SH2D4A: variants seen among roughly 807,000 people sequenced by gnomAD.
SH2D4A encodes SH2 domain-containing protein 4A.
Under a neutral mutation model 64.7 loss-of-function variants are expected in SH2D4A, and 70 were observed. That is an observed-to-expected ratio of 1.08 (90% CI 0.89 to 1.32). SH2D4A has a LOEUF of 1.32. Among genes scored for constraint, SH2D4A ranks in the 40% most tolerant of loss-of-function variants. The pLI, the probability that SH2D4A is intolerant of heterozygous loss-of-function variation, is 0.00. For synonymous variants in SH2D4A, 268 were observed against 200.7 expected (o/e 1.34, Z -2.83); for missense variants, 706 against 540.1 (o/e 1.31, Z -3.04).
intron 4 of SH2D4A, among the ~76,000 whole-genome samples, chr8:19,342,985 T>A (rs4360306): frequency 5.3e-5 from 8 of 152,134 alleles, no homozygotes; most frequent in Non-Finnish European, 8.8e-5. Context: ...AGCACGCTGC[T>A]TCCGTCTCTG....
chr8:19,362,745 C>G (rs2052912647), intron 6 of SH2D4A, among the ~76,000 whole-genome samples: 1 of 151,622 alleles, frequency 6.6e-6, no homozygotes. Flanking sequence ...GTCTCAAAAA[C>G]AAAACAAAAC....
At chr8:19,376,961 G>T (rs2053205895) in intron 8 of SH2D4A, among the ~76,000 whole-genome samples, 2 of 151,936 alleles carry the variant, frequency 1.3e-5, no homozygotes, top group Non-Finnish European at 2.9e-5. Flanking sequence ...TTTTCTTATG[G>T]AATATTTTAA....
rs757985774 is a variant in SH2D4A, at chr8:19,389,636, C to T, written c.1049-3682C>T. On this transcript the variant is annotated intron_variant, in intron 8 of 9. Transcript: ENST00000265807. ...GTGGGCTGCCAGAGTTCTGCCAGTCCTGGCCTGGATTCAACTCTAAAATCA... is the reference window on the plus strand; with the variant it reads ...GTGGGCTGCCAGAGTTCTGCCAGTCTTGGCCTGGATTCAACTCTAAAATCA... 6.6e-5 allele frequency among the ~76,000 whole-genome samples: 10 copies of T among 152,208 alleles called. No individual in the cohort carries two copies. In the South Asian group the frequency reaches 1.9e-3, roughly 28 times the overall value.
In SH2D4A at chr8:19,383,489, C is replaced by T. The variant is rs529010250; in HGVS notation, c.1048+9829C>T. Among the ~76,000 whole-genome samples the T allele has an allele frequency of 2.0e-5, 3 of 151,264 alleles. No individual in the cohort carries two copies. The South Asian group carries it at 6.3e-4, about 32-fold the overall frequency. ...TCTGTCATTGGGTCTTTTTCAGTGA[C>T]AGTTTCTGATTTGTTTTCCTTTGAA... On this transcript the variant is annotated intron_variant, in intron 8 of 9. Coordinates refer to ENST00000265807, the MANE Select transcript of SH2D4A (RefSeq NM_022071.4).
At chr8:19,328,107 C>T (rs2052311413) in intron 2 of SH2D4A, among the ~76,000 whole-genome samples, 1 of 152,138 alleles carries the variant, frequency 6.6e-6, no homozygotes, top group Non-Finnish European at 1.5e-5. Flanking sequence ...ACTCTCTTTT[C>T]CCTCCCCTTT....
rs1246451113 is a variant in SH2D4A, at chr8:19,321,721, T to C, written c.181+1993T>C. 3.3e-5 allele frequency among the ~76,000 whole-genome samples: 5 copies of C among 152,250 alleles called. No homozygotes were observed. The East Asian group carries it at 7.7e-4, about 24-fold the overall frequency. On this transcript the variant is annotated intron_variant, in intron 2 of 9. Transcript: ENST00000265807. ...CCCAGTCAGAGTTTTTCAGATATAATTGGGTCTCTTCTGGGCACCATGTTC... is the reference window on the plus strand; with the variant it reads ...CCCAGTCAGAGTTTTTCAGATATAACTGGGTCTCTTCTGGGCACCATGTTC...
At chr8:19,341,034 A>T (rs1042441346) in intron 4 of SH2D4A, among the ~76,000 whole-genome samples, 1 of 152,224 alleles carries the variant, frequency 6.6e-6, no homozygotes, top group South Asian at 2.1e-4. Context: ...GTTCAAAGAG[A>T]TTAAGTGATT....
At chr8:19,335,209 A>G (rs1329073173) in intron 4 of SH2D4A, among the ~76,000 whole-genome samples, 1 of 151,872 alleles carries the variant, frequency 6.6e-6, no homozygotes, top group East Asian at 1.9e-4. Context: ...AACGGCGTGA[A>G]CCTGGGAGGT....
intron 8 of SH2D4A, among the ~76,000 whole-genome samples, chr8:19,379,992 T>A (rs2053265750): frequency 6.6e-6 from 1 of 152,124 alleles, no homozygotes; most frequent in South Asian, 2.1e-4. Context: ...CTCCTCAGCC[T>A]CCCAAAGAAC....
At chr8:19,372,403 G>A (rs1000904167) in intron 7 of SH2D4A, among the ~76,000 whole-genome samples, 1 of 152,174 alleles carries the variant, frequency 6.6e-6, no homozygotes, top group African/African-American at 2.4e-5. Flanking sequence ...CAGTACAGAA[G>A]ACTGTTTTAA....
At chr8:19,328,999 C>T (rs1163416825) in intron 2 of SH2D4A, among the ~76,000 whole-genome samples, 1 of 152,182 alleles carries the variant, frequency 6.6e-6, no homozygotes, top group African/African-American at 2.4e-5. Flanking sequence ...GCTCTCTGCT[C>T]CCCTGTGTGA....
At chr8:19,353,089 A>G (rs990825100) in intron 4 of SH2D4A, among the ~76,000 whole-genome samples, 2 of 152,174 alleles carry the variant, frequency 1.3e-5, no homozygotes, top group Admixed American at 6.5e-5. Flanking sequence ...GACACCTAAT[A>G]TGAAGGTCAA....
chr8:19,351,493 C>T (rs2052704132), intron 4 of SH2D4A, among the ~76,000 whole-genome samples: 1 of 152,056 alleles, frequency 6.6e-6, no homozygotes, highest in South Asian at 2.1e-4. Flanking sequence ...GTCCCAGCTA[C>T]TCGGGAGGCT....
chr8:19,359,011 G>A (rs995557800), intron 5 of SH2D4A, among the ~76,000 whole-genome samples: 4 of 152,148 alleles, frequency 2.6e-5, no homozygotes, highest in African/African-American at 9.7e-5. Flanking sequence ...CTGAGTCCTG[G>A]TCCAACATGC....
At chr8:19,350,269 TG>T (rs1424174458) in intron 4 of SH2D4A, among the ~76,000 whole-genome samples, 2 of 152,230 alleles carry the variant, frequency 1.3e-5, no homozygotes, top group Non-Finnish European at 2.9e-5. Flanking sequence ...GTGAATGCTT[TG>T]CCCAAGCAAC....
intron 7 of SH2D4A, among the ~76,000 whole-genome samples, chr8:19,369,231 C>T (rs1178066085): frequency 6.6e-6 from 1 of 151,984 alleles, no homozygotes. Flanking sequence ...ATTTGGTTTG[C>T]TAGTATTTTG....
At position 19,313,796 on chromosome 8, in the gene SH2D4A, C is replaced by A; in HGVS notation, c.-232C>A. The A allele has an allele frequency of 6.6e-7, 1 of 1,510,898 alleles. No homozygotes were observed. The highest frequency in any genetic ancestry group is 8.8e-7 in the Non-Finnish European group (1 of 1,135,184). The allele number at this position is 1,510,898 out of a possible 1,614,324, so 93.6% of individuals were successfully genotyped here. Reference sequence around the variant, plus strand: ...CAAGTGGATGTGGCGGGTGATCGAGCCACCCTGCCCAGGGGCGCCCAGCAC... The same window carrying A: ...CAAGTGGATGTGGCGGGTGATCGAGACACCCTGCCCAGGGGCGCCCAGCAC... On this transcript the variant is annotated 5_prime_UTR_variant, in exon 1 of 10. Coordinates refer to ENST00000265807, the MANE Select transcript of SH2D4A (RefSeq NM_022071.4).
chr8:19,368,186 C>T (rs907828278), intron 7 of SH2D4A, among the ~76,000 whole-genome samples: 7 of 152,008 alleles, frequency 4.6e-5, no homozygotes, highest in African/African-American at 1.4e-4. Context: ...GGATTTATTT[C>T]TGGGTTCTTT....
Position 19,364,219 on chromosome 8 carries a change from G to C in SH2D4A, c.854G>C (p.Arg285Thr), listed in dbSNP as rs2052947456. 1.9e-6 allele frequency: 3 copies of C among 1,614,028 alleles called. No homozygotes were observed. Among genetic ancestry groups the C allele is most frequent in the Admixed American group, 1.7e-5 (1 of 59,998 alleles). Residue 285 changes from arginine to threonine, a missense_variant, in exon 7 of 10, where the codon AGA becomes ACA. Physicochemically the swap from Arg to Thr is moderately conservative, Grantham distance 71 (BLOSUM62 -1). Coordinates refer to ENST00000265807, the MANE Select transcript of SH2D4A (RefSeq NM_022071.4). The stretch of plus-strand genomic sequence containing the variant: ...TTGCGTGTTCCGCAGAAACCAGAAA[G>C]ACCTCCCCTTCCACCCAAGCCTCAG... ...SPLRVPQKPE[R>T]PPLPPKPQFL...
Sources: allele counts gnomAD v4.1 joint callset (sites outside exome capture counted in the v4.1 genomes callset), GRCh38; gene constraint gnomAD v4.1.1; transcripts MANE v1.5; gene names NCBI Gene and HGNC (gene_info 2026-07-23, HGNC 2026-07-21).